ALPL: variants seen among roughly 807,000 people sequenced by gnomAD.
The protein encoded by ALPL is alkaline phosphatase, tissue-nonspecific isozyme.
In ALPL, 42 loss-of-function variants were observed where a neutral mutation model predicts 51.3. That is an observed-to-expected ratio of 0.82 (90% CI 0.64 to 1.06). ALPL has a LOEUF of 1.06. Among genes scored for constraint, ALPL ranks in the 50% least tolerant of loss-of-function variants. The pLI is 0.00. For missense variants in ALPL, 589 were observed against 709.4 expected (o/e 0.83, Z 1.93); for synonymous variants, 279 against 296.4 (o/e 0.94, Z 0.60).
At chr1:21,553,495 C>G (rs1365350407) in intron 1 of ALPL, among the ~76,000 whole-genome samples, 1 of 152,150 alleles carries the variant, frequency 6.6e-6, no homozygotes, top group Non-Finnish European at 1.5e-5. Context: ...GGCTGAAGAC[C>G]GAGTGCTGTA....
intron 1 of ALPL, among the ~76,000 whole-genome samples, chr1:21,511,705 C>T (rs922533275): frequency 2.0e-5 from 3 of 152,200 alleles, no homozygotes; most frequent in East Asian, 1.9e-4. Context: ...ATGAGATCAG[C>T]CCTGGAGCCA....
At chr1:21,529,431 T>G (rs1423717565) in intron 1 of ALPL, among the ~76,000 whole-genome samples, 1 of 152,006 alleles carries the variant, frequency 6.6e-6, no homozygotes, top group Non-Finnish European at 1.5e-5. Context: ...AAAAAATAAT[T>G]TTTTTTGTAG....
chr1:21,549,480 T>TC (rs995488205), intron 1 of ALPL, among the ~76,000 whole-genome samples: 1 of 151,930 alleles, frequency 6.6e-6, no homozygotes. Context: ...TTTTTCTTTT[T>TC]TTTTTTTTTC....
chr1:21,570,895 G>A (rs10917010), intron 8 of ALPL, among the ~76,000 whole-genome samples: 27,916 of 152,162 alleles, frequency 0.18, 3,146 homozygotes, highest in East Asian at 0.45. Flanking sequence ...GCAGCTATCC[G>A]GGTTTTCTTT....
chr1:21,570,142 T>C (rs1282536124), intron 7 of ALPL, among the ~76,000 whole-genome samples, 163 bp from the exon 8 acceptor site: 1 of 152,226 alleles, frequency 6.6e-6, no homozygotes, highest in East Asian at 1.9e-4. Flanking sequence ...TAATGGGCTA[T>C]TGATTCATCA....
intron 2 of ALPL, among the ~76,000 whole-genome samples, chr1:21,556,989 C>T (rs577231621): frequency 6.6e-5 from 10 of 152,302 alleles, no homozygotes; most frequent in African/African-American, 2.2e-4. Context: ...GGCTTGCCGT[C>T]GCAGGCGTTC....
chr1:21,553,854 G>A, intron 1 of ALPL, 124 bp from the exon 2 acceptor site: 2 of 571,218 alleles, frequency 3.5e-6, no homozygotes, highest in Non-Finnish European at 6.4e-6. Flanking sequence ...TGAGCCCCAT[G>A]CCTGGTCTGT....
chr1:21,513,774 AT>A (rs1439077265), intron 1 of ALPL, among the ~76,000 whole-genome samples: 2 of 152,212 alleles, frequency 1.3e-5, no homozygotes, highest in Non-Finnish European at 2.9e-5. Context: ...TTATATAAAG[AT>A]AAGGATTTCT....
intron 1 of ALPL, among the ~76,000 whole-genome samples, chr1:21,548,322 C>G (rs1183654190): frequency 3.9e-5 from 6 of 152,204 alleles, no homozygotes; most frequent in Non-Finnish European, 8.8e-5. Flanking sequence ...AAGGCTTTCC[C>G]AGGTCCCCAC....
At chr1:21,570,205 A>G in intron 7 of ALPL, 100 bp from the exon 8 acceptor site, 1 of 1,213,694 alleles carries the variant, frequency 8.2e-7, no homozygotes, top group Non-Finnish European at 1.2e-6. Context: ...TAAGTGAGGG[A>G]AGGAAACAAG....
At chr1:21,571,414 T>C (rs1396626643) in intron 8 of ALPL, among the ~76,000 whole-genome samples, 1 of 152,030 alleles carries the variant, frequency 6.6e-6, no homozygotes, top group Non-Finnish European at 1.5e-5. Flanking sequence ...GGCTCATGCC[T>C]GTAATCCCAG....
chr1:21,576,264 TGGATGGGTGGATGGATG>T (rs1558557890), intron 10 of ALPL, among the ~76,000 whole-genome samples: 6 of 36,998 alleles, frequency 1.6e-4, no homozygotes, highest in African/African-American at 6.7e-4. Flanking sequence ...GATGGATGGA[TGGATGGGTGGATGGATG>T]GATGGGTGGA....
chr1:21,547,932 G>A (rs926286889), intron 1 of ALPL, among the ~76,000 whole-genome samples: 27 of 152,152 alleles, frequency 1.8e-4, no homozygotes, highest in African/African-American at 5.1e-4. Flanking sequence ...GGATGCTCCC[G>A]GGCCCTCTGC....
chr1:21,564,352 T>G lies in ALPL; in HGVS notation c.648+136T>G. 1 of 1,157,396 alleles carries G rather than the reference T, an allele frequency of 8.6e-7. No homozygotes were observed. Among genetic ancestry groups the G allele is most frequent in the Non-Finnish European group, 1.2e-6 (1 of 825,326 alleles). The allele number at this position is 1,157,396 out of a possible 1,614,324, so 71.7% of individuals were successfully genotyped here. ...CACACCTGGGAGGCTCCCAGCCCAT[T>G]AGGGGATTTGCGGTTGGGCAGGCAG... On this transcript the variant is annotated intron_variant, in intron 6 of 11. Coordinates refer to ENST00000374840, the MANE Select transcript of ALPL (RefSeq NM_000478.6). The surrounding 1 kb of genome is among the most constrained non-coding windows in gnomAD (Gnocchi z 5.8).
At chr1:21,560,532 T>G in intron 2 of ALPL, 94 bp from the exon 3 acceptor site, 1 of 1,529,026 alleles carries the variant, frequency 6.5e-7, no homozygotes, top group Non-Finnish European at 8.9e-7. Flanking sequence ...GTTCAGGCAT[T>G]CCAGCCTGAG....
chr1:21,566,424 T>G (rs1363708936), intron 6 of ALPL, among the ~76,000 whole-genome samples: 1 of 151,882 alleles, frequency 6.6e-6, no homozygotes, highest in Non-Finnish European at 1.5e-5. Flanking sequence ...GCTGGGATTA[T>G]AGGCGCACAT....
chr1:21,524,155 C>T (rs1219530549), intron 1 of ALPL, among the ~76,000 whole-genome samples: 1 of 152,038 alleles, frequency 6.6e-6, no homozygotes, highest in Non-Finnish European at 1.5e-5. Context: ...AGGCGCGTGC[C>T]ACCACACCTG....
intron 1 of ALPL, among the ~76,000 whole-genome samples, chr1:21,552,338 G>T (rs1429894651): frequency 1.3e-5 from 2 of 150,778 alleles, no homozygotes; most frequent in African/African-American, 4.9e-5. Flanking sequence ...AATTGGCCGG[G>T]CATGGTGGCG....
chr1:21,524,659 A>G (rs892979223), intron 1 of ALPL, among the ~76,000 whole-genome samples: 2 of 152,172 alleles, frequency 1.3e-5, no homozygotes, highest in African/African-American at 4.8e-5. Context: ...AATTCTCTGC[A>G]TGTCAGATGG....
Sources: gnomAD v4.1 joint callset for allele counts (sites outside exome capture counted in the v4.1 genomes callset) on GRCh38, gnomAD v4.1.1 for gene constraint, Gnocchi (gnomAD v3.1) non-coding constraint, MANE v1.5 for transcripts, NCBI Gene and HGNC (gene_info 2026-07-23, HGNC 2026-07-21) for gene names.